Variants in MAP3K3 observed in about 807,000 individuals in gnomAD.
The protein encoded by MAP3K3 is mitogen-activated protein kinase kinase kinase 3.
In MAP3K3, 12 loss-of-function variants were observed where a neutral mutation model predicts 80.9. The ratio of observed to expected loss-of-function variants is 0.15; its 90% confidence interval spans 0.10 to 0.24. The LOEUF is 0.24. Ranked by LOEUF, MAP3K3 falls within the 10% of genes least tolerant of loss-of-function variation. MAP3K3 has a pLI of 1.00. For synonymous variants in MAP3K3, 272 were observed against 307.1 expected (o/e 0.89, Z 1.19); for missense variants, 596 against 834.7 (o/e 0.71, Z 3.52).
At chr17:63,636,956 G>T in intron 2 of MAP3K3, 1 of 596,724 alleles carries the variant, frequency 1.7e-6, no homozygotes, top group South Asian at 1.6e-5. Flanking sequence ...GTCTAGGGGG[G>T]CCTCCAAGCT....
At chr17:63,628,755 C>A (rs1799902206) in intron 1 of MAP3K3, among the ~76,000 whole-genome samples, 1 of 152,060 alleles carries the variant, frequency 6.6e-6, no homozygotes, top group African/African-American at 2.4e-5. Context: ...TTAAAACTTT[C>A]TAATGTGTAA....
intron 1 of MAP3K3, among the ~76,000 whole-genome samples, chr17:63,628,617 C>G (rs1056454109): frequency 6.6e-6 from 1 of 152,230 alleles, no homozygotes; most frequent in Non-Finnish European, 1.5e-5. Context: ...GCCTTAGCCT[C>G]CCAAAGTGCT....
chr17:63,650,726 C>T (rs1312206449), intron 3 of MAP3K3, among the ~76,000 whole-genome samples: 1 of 136,818 alleles, frequency 7.3e-6, no homozygotes, highest in Non-Finnish European at 1.5e-5. Context: ...GGGTCTCATT[C>T]TGTTGCCTAG....
At chr17:63,647,419 A>G (rs144777226) in intron 3 of MAP3K3, among the ~76,000 whole-genome samples, 1 of 152,318 alleles carries the variant, frequency 6.6e-6, no homozygotes, top group Non-Finnish European at 1.5e-5. Flanking sequence ...CAAAAGCACA[A>G]TTGTGTTGGA....
At position 63,652,584 on chromosome 17, in the gene MAP3K3, A is replaced by G; in HGVS notation, c.195A>G (p.Lys65=). 6.2e-7 allele frequency: 1 copy of G among 1,614,014 alleles called. No homozygotes were observed. Among genetic ancestry groups the G allele is most frequent in the Non-Finnish European group, 8.5e-7 (1 of 1,179,878 alleles). Residue 65 remains lysine, a synonymous_variant, in exon 4 of 16, where the codon AAA becomes AAG. Transcript: ENST00000361733. ...RRIIAFSRPV[K]YEDVEHKVTT... ...TTATAGCGTTCAGCCGGCCTGTGAA[A>G]TATGAAGATGTGGAGCACAAGGTGA...
At chr17:63,683,158 G>A (rs2035375455) in intron 7 of MAP3K3, among the ~76,000 whole-genome samples, 1 of 152,254 alleles carries the variant, frequency 6.6e-6, no homozygotes. Context: ...GGCCTGTGCT[G>A]TCACATGGGA....
chr17:63,642,298 A>C (rs968157428), intron 2 of MAP3K3, among the ~76,000 whole-genome samples: 1 of 152,210 alleles, frequency 6.6e-6, no homozygotes, highest in African/African-American at 2.4e-5. Context: ...GCTCGTTATG[A>C]AATAAATTTA....
At position 63,691,289 on chromosome 17, in the gene MAP3K3, G is replaced by A; in HGVS notation, c.1344+56G>A. ...ACACAAAAGAGGGCCTGACCTGGGG[G>A]CTGGGGCCTGCAGGAGGGGGGTCAC... On this transcript the variant is annotated intron_variant, in intron 13 of 15. Transcript: ENST00000361733. This position sits in a 1 kb window ranked among gnomAD's most constrained non-coding sequence, Gnocchi z 4.8. 6.2e-7 allele frequency: 1 copy of A among 1,610,164 alleles called. No homozygotes were observed. The highest frequency in any genetic ancestry group is 8.5e-7 in the Non-Finnish European group (1 of 1,177,860).
chr17:63,641,161 C>T (rs1939012603), intron 2 of MAP3K3, among the ~76,000 whole-genome samples: 1 of 152,108 alleles, frequency 6.6e-6, no homozygotes, highest in South Asian at 2.1e-4. Flanking sequence ...TTTGATAATT[C>T]CGTAAATTGG....
chr17:63,670,163 A>T lies in MAP3K3; in HGVS notation c.502+3103A>T, dbSNP rs113719108. Among the ~76,000 whole-genome samples, 84 of 152,270 alleles carry T rather than the reference A, an allele frequency of 5.5e-4. 2 individuals carry two copies. The highest frequency in any genetic ancestry group is 3.4e-3 in the Middle Eastern group (1 of 294). On this transcript the variant is annotated intron_variant, in intron 6 of 15. Coordinates refer to ENST00000361733, the MANE Select transcript of MAP3K3 (RefSeq NM_002401.5). ...TGTGCCAGAAATATGGGAAGCAAAA[A>T]AGACACAGGCCCTGTCCCTGTGGCC...
At chr17:63,626,802 C>A (rs949044008) in intron 1 of MAP3K3, among the ~76,000 whole-genome samples, 1 of 152,142 alleles carries the variant, frequency 6.6e-6, no homozygotes, top group Non-Finnish European at 1.5e-5. Context: ...TGCGATCAGA[C>A]GATCTGGTGG....
Position 63,669,370 on chromosome 17 carries a change from A to C in MAP3K3, c.502+2310A>C, listed in dbSNP as rs527767833. 5.9e-5 allele frequency among the ~76,000 whole-genome samples: 9 copies of C among 152,260 alleles called. No homozygotes were observed. The East Asian group carries it at 1.5e-3, about 26-fold the overall frequency. ...AAGAAAGGATGCCTGGGTGTTTTCT[A>C]AGGGACTCTCAGCTGCACTCAGACT... On this transcript the variant is annotated intron_variant, in intron 6 of 15. Coordinates refer to ENST00000361733, the MANE Select transcript of MAP3K3 (RefSeq NM_002401.5).
intron 2 of MAP3K3, among the ~76,000 whole-genome samples, chr17:63,643,488 G>A (rs1214307943): frequency 6.6e-6 from 1 of 152,048 alleles, no homozygotes; most frequent in African/African-American, 2.4e-5. Context: ...TCCAGCTTGG[G>A]TGGCAGGAGT....
intron 12 of MAP3K3, 99 bp downstream of exon 12, chr17:63,690,511 C>T (rs1167004703): frequency 3.0e-5 from 39 of 1,303,284 alleles, no homozygotes; most frequent in Non-Finnish European, 3.6e-5. Flanking sequence ...AGGTTGCTTC[C>T]TCTGTCATTC....
chr17:63,634,015 G>A (rs1434192546), intron 2 of MAP3K3, among the ~76,000 whole-genome samples: 2 of 152,286 alleles, frequency 1.3e-5, no homozygotes, highest in South Asian at 4.1e-4. Context: ...GGGAAGAGGA[G>A]TCCTTTTGTT....
intron 2 of MAP3K3, among the ~76,000 whole-genome samples, chr17:63,640,335 T>C (rs1028116802): frequency 6.6e-6 from 1 of 151,620 alleles, no homozygotes; most frequent in Non-Finnish European, 1.5e-5. Flanking sequence ...TTTAGGAGAG[T>C]AGTTGATATA....
Position 63,689,433 on chromosome 17 carries a change from C to A in MAP3K3, c.872-111C>A. ...ATTATCTATCACTTCTGGCTGAGAC[C>A]TGGTTTGTATATTCCGCCTTGTAGC... On this transcript the variant is annotated intron_variant, in intron 10 of 15. Coordinates refer to ENST00000361733, the MANE Select transcript of MAP3K3 (RefSeq NM_002401.5). This position sits in a 1 kb window ranked among gnomAD's most constrained non-coding sequence, Gnocchi z 4.3. The A allele has an allele frequency of 2.3e-6, 2 of 887,946 alleles. No individual in the cohort carries two copies. Among genetic ancestry groups the A allele is most frequent in the Non-Finnish European group, 3.4e-6 (2 of 586,856 alleles). The allele number at this position is 887,946 out of a possible 1,614,324, so 55.0% of individuals were successfully genotyped here. A position where few individuals can be genotyped will look rare whatever the true frequency, so the allele number is the denominator to read the frequency against.
At chr17:63,631,117 G>A (rs1305736449) in intron 1 of MAP3K3, among the ~76,000 whole-genome samples, 3 of 151,940 alleles carry the variant, frequency 2.0e-5, no homozygotes, top group African/African-American at 4.8e-5. Context: ...TGAAACCCTC[G>A]CTCAATAAAA....
chr17:63,664,329 C>CTTTCACAGCTATCA (rs998066080), intron 5 of MAP3K3, among the ~76,000 whole-genome samples: 9 of 151,012 alleles, frequency 6.0e-5, no homozygotes, highest in African/African-American at 2.2e-4. Context: ...ACCTCAGATG[C>CTTTCACAGCTATCA]TTTCACAGCT....
Sources: allele counts gnomAD v4.1 joint callset (sites outside exome capture counted in the v4.1 genomes callset), GRCh38; gene constraint gnomAD v4.1.1; non-coding constraint Gnocchi (gnomAD v3.1); transcripts MANE v1.5; gene names NCBI Gene and HGNC (gene_info 2026-07-23, HGNC 2026-07-21).